Variants in SOS1 observed in about 807,000 individuals in gnomAD.
The protein encoded by SOS1 is son of sevenless homolog 1.
SOS1 carries 25 observed loss-of-function variants against 157.6 expected under a neutral mutation model. The ratio of observed to expected loss-of-function variants is 0.16; its 90% CI spans 0.12 to 0.22. The LOEUF (loss-of-function observed/expected upper bound fraction) is 0.22. Among genes scored for constraint, SOS1 ranks in the 10% least tolerant of loss-of-function variants. The pLI is 1.00. For missense variants in SOS1, 1,237 were observed against 1,599.1 expected, an observed-to-expected ratio of 0.77 and a Z score of 3.86; for synonymous variants, 528 against 534.0, an observed-to-expected ratio of 0.99 and a Z score of 0.16.
rs1018697659 is a variant in SOS1 at position 39,006,898 on chromosome 2, G to T, written c.2673+133C>A. 1.0e-5 allele frequency: 7 copies of T among 702,652 alleles called. No individual in the cohort carries two copies. In the African/African-American group the frequency reaches 1.3e-4, roughly 13 times the overall value. 43.5% of individuals were successfully genotyped at this position (702,652 alleles called of 1,614,324 possible). A position where few individuals can be genotyped will look rare whatever the true frequency, so the allele number is the denominator to read the frequency against. ...AGCAACCAATTCATTACAAAACTTA[G>T]ATAATTCAGTCTTTTAATCTACTAC... On this transcript the variant is annotated intron_variant, in intron 16 of 22. Coordinates refer to ENST00000402219, the MANE Select transcript of SOS1 (RefSeq NM_005633.4).
intron 1 of SOS1, among the ~76,000 whole-genome samples, chr2:39,117,338 C>T (rs765992968): frequency 3.9e-5 from 6 of 152,048 alleles, no homozygotes; most frequent in Non-Finnish European, 8.8e-5. Context: ...TGTCATTTAC[C>T]TTTTTAGCCT....
chr2:39,027,121 T>C (rs1482621869), intron 8 of SOS1, among the ~76,000 whole-genome samples: 1 of 152,226 alleles, frequency 6.6e-6, no homozygotes, highest in African/African-American at 2.4e-5. Flanking sequence ...GCATTTGATA[T>C]TTTGTCCTGG....
intron 17 of SOS1, among the ~76,000 whole-genome samples, chr2:39,001,958 C>G (rs1268166436): frequency 6.6e-6 from 1 of 152,208 alleles, no homozygotes; most frequent in Non-Finnish European, 1.5e-5. Flanking sequence ...AATCACACAG[C>G]TCACCTTAAA....
At chr2:39,091,168 C>T (rs1053992880) in intron 1 of SOS1, among the ~76,000 whole-genome samples, 1 of 152,120 alleles carries the variant, frequency 6.6e-6, no homozygotes, top group South Asian at 2.1e-4. Context: ...TAGGCCTGGC[C>T]AAGCATTTGG....
intron 1 of SOS1, among the ~76,000 whole-genome samples, chr2:39,117,178 A>G (rs1673683364): frequency 6.6e-6 from 1 of 151,788 alleles, no homozygotes; most frequent in Non-Finnish European, 1.5e-5. Flanking sequence ...ACAGGTGCCC[A>G]CCACCACGCC....
At chr2:39,020,266 T>C (rs1441005964) in intron 10 of SOS1, among the ~76,000 whole-genome samples, 1 of 151,676 alleles carries the variant, frequency 6.6e-6, no homozygotes, top group Non-Finnish European at 1.5e-5. Flanking sequence ...AGGGATAAAG[T>C]TGGCTGACAC....
chr2:39,071,515 T>A (rs1671792747), intron 1 of SOS1, among the ~76,000 whole-genome samples: 1 of 152,234 alleles, frequency 6.6e-6, no homozygotes, highest in Non-Finnish European at 1.5e-5. Flanking sequence ...TGTTTATAAG[T>A]TATATAAAAT....
intron 20 of SOS1, chr2:38,993,850 C>CT (rs1328872934): frequency 2.0e-5 from 3 of 151,966 alleles, no homozygotes; most frequent in Admixed American, 1.3e-4. Flanking sequence ...AGATAGCCAA[C>CT]GGTAAGGGCA....
chr2:39,105,826 G>C (rs1324324465), intron 1 of SOS1, among the ~76,000 whole-genome samples: 1 of 152,082 alleles, frequency 6.6e-6, no homozygotes, highest in Non-Finnish European at 1.5e-5. Context: ...CTAGAACTCT[G>C]GGTGCAGAGG....
chr2:39,050,854 G>A (rs1670987726), intron 6 of SOS1, among the ~76,000 whole-genome samples: 1 of 152,162 alleles, frequency 6.6e-6, no homozygotes, highest in African/African-American at 2.4e-5. Context: ...TTACTTAATA[G>A]TCATTCATTG....
At position 39,021,522 on chromosome 2, in the gene SOS1, C is replaced by A. The variant is rs1023743592; in HGVS notation, c.1858+1048G>T. 7.0e-3 allele frequency among the ~76,000 whole-genome samples: 381 copies of A among 54,624 alleles called. 3 individuals are homozygous for A. The highest frequency in any genetic ancestry group is 0.025 in the African/African-American group (366 of 14,786). The allele number at this position is 54,624 out of a possible 152,430, so 35.8% of individuals were successfully genotyped here. A position where few individuals can be genotyped will look rare whatever the true frequency, so the allele number is the denominator to read the frequency against. ...TAGTAAGTCTTCTTACAATGCTCTA[C>A]AGGAAAAAAAAAAAAAAAAAAAAAA... is the stretch of plus-strand genomic sequence containing the variant. On this transcript the variant is annotated intron_variant, in intron 10 of 22. Transcript: ENST00000402219.
At chr2:39,102,508 G>GCAA (rs1673007902) in intron 1 of SOS1, among the ~76,000 whole-genome samples, 2 of 101,810 alleles carry the variant, frequency 2.0e-5, no homozygotes, top group African/African-American at 4.0e-5. Context: ...TCCAGCCTGG[G>GCAA]CAACAGAGCA....
At position 39,120,333 on chromosome 2, in the gene SOS1, C is replaced by T; in HGVS notation, c.87+3G>A. On this transcript the variant is annotated splice_donor_region_variant and intron_variant, in intron 1 of 22. Transcript: ENST00000402219. ...GGGAAGCGGGGTCCCGCGTGCTCCT[C>T]ACCTTTTTCAGCGCAGGCACCAGTA... 1 of 1,582,114 alleles carries T rather than the reference C, an allele frequency of 6.3e-7. No homozygotes were observed. Among genetic ancestry groups the T allele is most frequent in the Non-Finnish European group, 8.6e-7 (1 of 1,165,128 alleles).
chr2:39,107,141 G>GA (rs1228721083), intron 1 of SOS1, among the ~76,000 whole-genome samples: 1 of 151,834 alleles, frequency 6.6e-6, no homozygotes, highest in Non-Finnish European at 1.5e-5. Context: ...CTGAAATGGG[G>GA]AAAAACTGTA....
At chr2:39,001,805 T>C (rs1410612132) in intron 17 of SOS1, among the ~76,000 whole-genome samples, 1 of 152,156 alleles carries the variant, frequency 6.6e-6, no homozygotes, top group Non-Finnish European at 1.5e-5. Context: ...GGGTCAGTTG[T>C]AGATAAACTA....
chr2:39,060,239 A>G (rs1472671046), intron 2 of SOS1, among the ~76,000 whole-genome samples: 1 of 152,180 alleles, frequency 6.6e-6, no homozygotes, highest in African/African-American at 2.4e-5. Context: ...GTACAAACCT[A>G]ATCATGTTAT....
chr2:39,088,790 G>A (rs1466504073), intron 1 of SOS1, among the ~76,000 whole-genome samples: 1 of 152,064 alleles, frequency 6.6e-6, no homozygotes, highest in Non-Finnish European at 1.5e-5. Context: ...AAACACTGGT[G>A]TACAAATATC....
chr2:39,028,868 T>C (rs1670063290), intron 8 of SOS1, among the ~76,000 whole-genome samples: 1 of 152,218 alleles, frequency 6.6e-6, no homozygotes, highest in African/African-American at 2.4e-5. Context: ...CATTTCGATT[T>C]TGGAATGTTA....
chr2:39,124,000 T>C (rs1572909753), upstream of SOS1, among the ~76,000 whole-genome samples: 1 of 151,922 alleles, frequency 6.6e-6, no homozygotes, highest in African/African-American at 2.4e-5. Flanking sequence ...CCAGGGCAGG[T>C]TTTCACTAGC....
Sources: gnomAD v4.1 joint callset for allele counts (sites outside exome capture counted in the v4.1 genomes callset) on GRCh38, gnomAD v4.1.1 for gene constraint, MANE v1.5 for transcripts, NCBI Gene and HGNC (gene_info 2026-07-23, HGNC 2026-07-21) for gene names.